CAT: variants seen among roughly 807,000 people sequenced by gnomAD.
CAT encodes epididymis secretory sperm binding protein.
A neutral mutation model predicts 59.0 loss-of-function variants in CAT; 43 were observed. The observed-to-expected ratio is 0.73, with a 90% confidence interval of 0.57 to 0.94. The LOEUF (loss-of-function observed/expected upper bound fraction) is 0.94. CAT is among the 40% of genes least tolerant of loss of function. The pLI is 0.00. For missense variants in CAT, 664 were observed against 682.9 expected (o/e 0.97, Z 0.31); for synonymous variants, 218 against 230.9 (o/e 0.94, Z 0.51).
intron 1 of CAT, among the ~76,000 whole-genome samples, chr11:34,444,435 A>G (rs529575983): frequency 4.6e-5 from 7 of 152,282 alleles, no homozygotes; most frequent in African/African-American, 1.7e-4. Flanking sequence ...CAATATCTAG[A>G]CCACCCTTAT....
intron 8 of CAT, 59 bp from the exon 9 acceptor site, chr11:34,461,192 C>T: frequency 6.4e-7 from 1 of 1,566,320 alleles, no homozygotes; most frequent in South Asian, 1.1e-5. Context: ...AGTTTACAGC[C>T]CATTCCTATG....
intron 9 of CAT, among the ~76,000 whole-genome samples, chr11:34,462,066 A>G (rs1046891980): frequency 1.3e-5 from 2 of 152,160 alleles, no homozygotes; most frequent in African/African-American, 4.8e-5. Context: ...GGTGTCGTAT[A>G]CAAACAGCCT....
chr11:34,449,685 A>G (rs1397915868), intron 2 of CAT, among the ~76,000 whole-genome samples: 2 of 152,192 alleles, frequency 1.3e-5, no homozygotes, highest in East Asian at 1.9e-4. Flanking sequence ...AATGAAACCA[A>G]TTTTATGATA....
At chr11:34,467,778 T>G (rs1381968542) in intron 10 of CAT, among the ~76,000 whole-genome samples, 3 of 152,222 alleles carry the variant, frequency 2.0e-5, no homozygotes, top group African/African-American at 7.2e-5. Flanking sequence ...ATATCACTAT[T>G]AATATGTCTT....
At chr11:34,439,159 C>A in intron 1 of CAT, 80 bp downstream of exon 1, 1 of 1,345,078 alleles carries the variant, frequency 7.4e-7, no homozygotes, top group South Asian at 1.2e-5. Flanking sequence ...CCGGCTTCCC[C>A]CGGGGCGGCG....
At chr11:34,452,330 T>G in intron 4 of CAT, 123 bp downstream of exon 4, 1 of 865,438 alleles carries the variant, frequency 1.2e-6, no homozygotes, top group Non-Finnish European at 1.9e-6. Flanking sequence ...TTGTCTGGAC[T>G]ACTTTTTTCA....
chr11:34,464,455 G>A (rs553130175), intron 10 of CAT, among the ~76,000 whole-genome samples: 2 of 152,304 alleles, frequency 1.3e-5, no homozygotes, highest in East Asian at 3.9e-4. Context: ...CTCCGTCTCA[G>A]TTTCTTCAAA....
chr11:34,464,250 T>G lies in CAT; in HGVS notation c.1326+15T>G, dbSNP rs1350341504. ...ACGTTACTCAGGTAATGACTTCTCT[T>G]TATCTGCTATGGAAGTCACCTGCTA... On this transcript the variant is annotated intron_variant, in intron 10 of 12. Coordinates refer to ENST00000241052, the MANE Select transcript of CAT (RefSeq NM_001752.4). 2 of 1,612,844 alleles carry G rather than the reference T, an allele frequency of 1.2e-6. No individual in the cohort carries two copies. Among genetic ancestry groups the G allele is most frequent in the African/African-American group, 2.7e-5 (2 of 74,906 alleles).
rs898873318 is a variant in CAT at position 34,456,892 on chromosome 11, A to G, written c.1056+75A>G. ...GCACACACAAAATATGCAGCTTGGC[A>G]TGATCTTTATGTGAGGAATTAACAA... On this transcript the variant is annotated intron_variant, in intron 8 of 12. Transcript: ENST00000241052. 47 of 1,442,700 alleles carry G rather than the reference A, an allele frequency of 3.3e-5. No homozygotes were observed. In the East Asian group the frequency reaches 7.5e-4, roughly 23 times the overall value. The allele number at this position is 1,442,700 out of a possible 1,614,324, so 89.4% of individuals were successfully genotyped here. A position where few individuals can be genotyped will look rare whatever the true frequency, so the allele number is the denominator to read the frequency against.
Position 34,439,070 on chromosome 11 carries a change from G to T in CAT, c.57G>T (p.Arg19=), listed in dbSNP as rs1437103912. Residue 19 remains arginine (R), a synonymous_variant, in exon 1 of 13, where the codon CGG becomes CGT. Coordinates refer to ENST00000241052, the MANE Select transcript of CAT (RefSeq NM_001752.4). The stretch of plus-strand genomic sequence containing the variant: ...AGATGCAGCACTGGAAGGAGCAGCG[G>T]GCCGCGCAGGTACACTCTGTGCTCC... ...SDQMQHWKEQ[R]AAQKADVLTT... is the part of the protein sequence containing the mutation. 1.3e-6 allele frequency: 2 copies of T among 1,590,774 alleles called. No homozygotes were observed. Among genetic ancestry groups the T allele is most frequent in the Non-Finnish European group, 1.7e-6 (2 of 1,168,770 alleles).
chr11:34,446,785 A>G (rs1856461706), intron 1 of CAT, among the ~76,000 whole-genome samples: 1 of 149,614 alleles, frequency 6.7e-6, no homozygotes, highest in Admixed American at 6.7e-5. Context: ...GCTGTTGCCC[A>G]GGCTGGAGTG....
At chr11:34,456,852 T>C (rs546566144) in intron 8 of CAT, 35 bp downstream of exon 8, 6 of 1,611,912 alleles carry the variant, frequency 3.7e-6, no homozygotes, top group South Asian at 1.1e-5. Flanking sequence ...CTGAGGCAGG[T>C]GTCCATGTGA....
At chr11:34,453,030 A>G in intron 4 of CAT, 60 bp from the exon 5 acceptor site, 1 of 980,392 alleles carries the variant, frequency 1.0e-6, no homozygotes, top group East Asian at 2.4e-5. Flanking sequence ...ATATAATGAA[A>G]GACACCATAA....
intron 2 of CAT, 44 bp from the exon 3 acceptor site, chr11:34,450,944 G>A: frequency 7.7e-7 from 1 of 1,298,356 alleles, no homozygotes; most frequent in Non-Finnish European, 1.1e-6. Flanking sequence ...CTGAATGTCT[G>A]AGTAATGGTC....
chr11:34,441,600 C>A (rs1414164695), intron 1 of CAT, among the ~76,000 whole-genome samples: 2 of 152,048 alleles, frequency 1.3e-5, no homozygotes, highest in African/African-American at 2.4e-5. Context: ...TTGAGACCAG[C>A]CTAAGCAACA....
intron 9 of CAT, 34 bp downstream of exon 9, chr11:34,461,423 G>C (rs35915891): frequency 1.2e-6 from 2 of 1,612,468 alleles, no homozygotes; most frequent in African/African-American, 2.7e-5. Flanking sequence ...CCCCTGCGTG[G>C]GCAGAGGGCA....
At chr11:34,468,073 A>G (rs1856739237) in intron 10 of CAT, among the ~76,000 whole-genome samples, 1 of 152,246 alleles carries the variant, frequency 6.6e-6, no homozygotes, top group Non-Finnish European at 1.5e-5. Flanking sequence ...TATAAAGGAT[A>G]TTATTAGAAA....
intron 9 of CAT, among the ~76,000 whole-genome samples, chr11:34,462,449 A>G (rs1282017915): frequency 6.6e-6 from 1 of 152,196 alleles, no homozygotes; most frequent in Non-Finnish European, 1.5e-5. Flanking sequence ...TTTTTTAGAC[A>G]GAGTCTCACT....
chr11:34,466,780 CAAA>C (rs71457350), intron 10 of CAT, among the ~76,000 whole-genome samples: 1 of 41,140 alleles, frequency 2.4e-5, no homozygotes, highest in East Asian at 7.5e-4. Context: ...GACTCCGTCT[CAAA>C]AAAAAAAAAA....
Sources: allele counts gnomAD v4.1 joint callset (sites outside exome capture counted in the v4.1 genomes callset), GRCh38; gene constraint gnomAD v4.1.1; transcripts MANE v1.5; gene names NCBI Gene and HGNC (gene_info 2026-07-23, HGNC 2026-07-21).